Variants in ELAVL4 observed in about 807,000 individuals in gnomAD.
ELAVL4 encodes ELAV like RNA binding protein 4, also known as ELAV-like protein 4.
Under a neutral mutation model 35.6 loss-of-function variants are expected in ELAVL4, and 1 was observed. The ratio of observed to expected loss-of-function variants is 0.03; its 90% CI spans 0.01 to 0.13. The LOEUF (loss-of-function observed/expected upper bound fraction) is 0.13, where lower values mean the gene tolerates loss of function less well. Ranked by LOEUF, ELAVL4 falls within the 10% of genes least tolerant of loss-of-function variation. The pLI is 1.00. For synonymous variants in ELAVL4, 156 were observed against 171.0 expected (o/e 0.91, Z 0.69); for missense variants, 267 against 464.9 (o/e 0.57, Z 3.91).
chr1:50,182,533 T>C (rs1008754588), intron 3 of ELAVL4, among the ~76,000 whole-genome samples: 3 of 152,082 alleles, frequency 2.0e-5, no homozygotes, highest in African/African-American at 7.2e-5. Flanking sequence ...GAGGTTTCTG[T>C]TTGATATTGG....
chr1:50,095,644 C>T (rs887922058), intron 1 of ELAVL4, among the ~76,000 whole-genome samples: 4 of 152,068 alleles, frequency 2.6e-5, no homozygotes, highest in African/African-American at 9.7e-5. Flanking sequence ...TAGGGTTTTC[C>T]CAGAGACCTG....
intron 2 of ELAVL4, among the ~76,000 whole-genome samples, chr1:50,162,640 G>A (rs1471513891): frequency 2.0e-5 from 3 of 152,204 alleles, no homozygotes; most frequent in East Asian, 3.8e-4. Context: ...CTGGAGTGCA[G>A]TGGTGTGATC....
At position 50,203,557 on chromosome 1, in the gene ELAVL4, A is replaced by G. The variant is rs1387166207; in HGVS notation, c.*2379A>G. ...AAAGGCATGCCAAAATCTTCTCTAT[A>G]ATGTGTTCAATCTTGGGGGAAAAAA... is the stretch of plus-strand genomic sequence containing the variant. On this transcript the variant is annotated 3_prime_UTR_variant, in exon 7 of 7. Transcript: ENST00000371824. The G allele has an allele frequency of 6.6e-6, 1 of 152,046 alleles. No homozygotes were observed. Among genetic ancestry groups the G allele is most frequent in the African/African-American group, 2.4e-5 (1 of 41,382 alleles). The allele number at this position is 152,046 out of a possible 1,614,324, so 9.4% of individuals were successfully genotyped here. A position where few individuals can be genotyped will look rare whatever the true frequency, so the allele number is the denominator to read the frequency against.
intron 1 of ELAVL4, among the ~76,000 whole-genome samples, chr1:50,137,254 A>G (rs537256088): frequency 2.6e-5 from 4 of 152,304 alleles, no homozygotes; most frequent in South Asian, 4.1e-4. Context: ...TGTGGTTGGC[A>G]GGATGGTAAG....
upstream of ELAVL4, among the ~76,000 whole-genome samples, chr1:50,107,104 G>A (rs974208075): frequency 4.6e-5 from 7 of 152,192 alleles, no homozygotes; most frequent in Admixed American, 3.3e-4. Context: ...AGTTTATGTT[G>A]TTGATTTGGG....
upstream of ELAVL4, among the ~76,000 whole-genome samples, chr1:50,108,243 C>G (rs1230098728): frequency 6.6e-6 from 1 of 151,844 alleles, no homozygotes; most frequent in Admixed American, 6.6e-5. Context: ...CATTTTTTTT[C>G]TTTTTGTTTA....
At chr1:50,157,780 G>C (rs900699440) in intron 2 of ELAVL4, among the ~76,000 whole-genome samples, 1 of 152,192 alleles carries the variant, frequency 6.6e-6, no homozygotes, top group Non-Finnish European at 1.5e-5. Flanking sequence ...TCCTTGAGCA[G>C]CCACATAGGA....
chr1:50,165,772 G>A lies in ELAVL4; in HGVS notation c.251-11317G>A, dbSNP rs9700466. 0.027 allele frequency among the ~76,000 whole-genome samples: 239 copies of A among 8,808 alleles called. 3 individuals are homozygous for A. The South Asian group carries it at 0.29, about 11-fold the overall frequency. 5.8% of individuals were successfully genotyped at this position (8,808 alleles called of 152,430 possible). A position where few individuals can be genotyped will look rare whatever the true frequency, so the allele number is the denominator to read the frequency against. On this transcript the variant is annotated intron_variant, in intron 2 of 6. Transcript: ENST00000371824. ...CATATATGTGTATATGTGTGTATAT[G>A]TGTGTATATATGTGTATATATATGT...
intron 3 of ELAVL4, among the ~76,000 whole-genome samples, chr1:50,192,268 A>G (rs1682767079): frequency 6.6e-6 from 1 of 152,096 alleles, no homozygotes; most frequent in African/African-American, 2.4e-5. Context: ...CACTCACATC[A>G]TTTTATCTGT....
chr1:50,051,988 C>A (rs1663410741), intron 1 of ELAVL4, among the ~76,000 whole-genome samples: 1 of 152,088 alleles, frequency 6.6e-6, no homozygotes, highest in Non-Finnish European at 1.5e-5. Flanking sequence ...GGCCTAATCT[C>A]TTCTTTAAGA....
chr1:50,135,733 G>A (rs1327043358), intron 1 of ELAVL4, among the ~76,000 whole-genome samples: 1 of 152,176 alleles, frequency 6.6e-6, no homozygotes, highest in African/African-American at 2.4e-5. Context: ...TAAGCTGTCA[G>A]CATGTGTTTC....
In ELAVL4 at chr1:50,170,044, A is replaced by G. The variant is rs573381254; in HGVS notation, c.251-7045A>G. Among the ~76,000 whole-genome samples, 86 of 152,286 alleles carry G rather than the reference A, an allele frequency of 5.6e-4. 1 individual carries two copies. Among genetic ancestry groups the G allele is most frequent in the African/African-American group, 1.9e-3 (79 of 41,558 alleles). ...TATATGTGGGATTTGTGTGCATGTTAAATATTATATGCTCCAATGTAAAAG... is the reference window on the plus strand; with the variant it reads ...TATATGTGGGATTTGTGTGCATGTTGAATATTATATGCTCCAATGTAAAAG... On this transcript the variant is annotated intron_variant, in intron 2 of 6. Coordinates refer to ENST00000371824, the MANE Select transcript of ELAVL4 (RefSeq NM_001144774.3).
intron 4 of ELAVL4, 134 bp downstream of exon 4, chr1:50,194,052 A>G (rs1402635160): frequency 2.8e-5 from 33 of 1,195,256 alleles, no homozygotes; most frequent in Non-Finnish European, 3.7e-5. Context: ...GACTTGGAAG[A>G]AAGACTTCTT....
At chr1:50,145,227 C>A in intron 2 of ELAVL4, 30 bp downstream of exon 2, 1 of 1,612,080 alleles carries the variant, frequency 6.2e-7, no homozygotes, top group South Asian at 1.1e-5. Flanking sequence ...CTATGTTGTT[C>A]CATTAGATGT....
chr1:50,188,666 C>T (rs1165551202), intron 3 of ELAVL4, among the ~76,000 whole-genome samples: 2 of 152,194 alleles, frequency 1.3e-5, no homozygotes, highest in Non-Finnish European at 2.9e-5. Flanking sequence ...GCAGAGCCTG[C>T]CCCCATAAGA....
chr1:50,135,545 C>T (rs1036188145), intron 1 of ELAVL4, among the ~76,000 whole-genome samples: 2 of 152,126 alleles, frequency 1.3e-5, no homozygotes, highest in Non-Finnish European at 2.9e-5. Context: ...AGGGAGGGAC[C>T]AGATTATTTT....
chr1:50,098,044 A>G (rs1164638884), intron 1 of ELAVL4, among the ~76,000 whole-genome samples: 1 of 152,228 alleles, frequency 6.6e-6, no homozygotes, highest in African/African-American at 2.4e-5. Flanking sequence ...TGGTATGCAT[A>G]ACATATATGA....
At chr1:50,147,780 G>A (rs1168936175) in intron 2 of ELAVL4, among the ~76,000 whole-genome samples, 1 of 152,110 alleles carries the variant, frequency 6.6e-6, no homozygotes, top group Non-Finnish European at 1.5e-5. Flanking sequence ...CCAGTGGGAG[G>A]ATTGGGGGGT....
At chr1:50,189,309 T>C (rs1480680283) in intron 3 of ELAVL4, among the ~76,000 whole-genome samples, 5 of 152,110 alleles carry the variant, frequency 3.3e-5, no homozygotes, top group African/African-American at 7.2e-5. Flanking sequence ...TATGAACAGG[T>C]AAAGGGAGTT....
Sources: gnomAD v4.1 joint callset for allele counts (sites outside exome capture counted in the v4.1 genomes callset) on GRCh38, gnomAD v4.1.1 for gene constraint, MANE v1.5 for transcripts, NCBI Gene and HGNC (gene_info 2026-07-23, HGNC 2026-07-21) for gene names.